The following ZFHX4 variants were observed in gnomAD, a reference collection of about 807,000 sequenced individuals.
ZFHX4 encodes the protein zinc finger homeobox 4, also known as zinc finger homeobox protein 4.
ZFHX4 carries 56 observed loss-of-function variants against 267.6 expected under a neutral mutation model. That is an observed-to-expected ratio of 0.21 (90% confidence interval 0.17 to 0.26). The LOEUF is 0.26. Ranked by LOEUF, ZFHX4 falls within the 10% of genes least tolerant of loss-of-function variation. The pLI, the probability that ZFHX4 is intolerant of heterozygous loss-of-function variation, is 1.00. For missense variants in ZFHX4, 4,332 were observed against 4,420.0 expected, an observed-to-expected ratio of 0.98 and a Z score of 0.56; for synonymous variants, 1,778 against 1,665.6, an observed-to-expected ratio of 1.07 and a Z score of -1.64.
At chr8:76,681,876 G>A (rs887670616) in intron 1 of ZFHX4, among the ~76,000 whole-genome samples, 1 of 151,944 alleles carries the variant, frequency 6.6e-6, no homozygotes, top group Non-Finnish European at 1.5e-5. Flanking sequence ...GTTTTGCTCC[G>A]CTGAGGGAGG....
At position 76,730,553 on chromosome 8, in the gene ZFHX4, G is replaced by T. The variant is rs1055487362; in HGVS notation, c.3093+22505G>T. ...ATCTCTACTAAAAATACATAAATTA[G>T]CCGGGCATGGTGATGGGCACCTGTA... On this transcript the variant is annotated intron_variant, in intron 3 of 10. Transcript: ENST00000651372. 3.4e-4 allele frequency among the ~76,000 whole-genome samples: 51 copies of T among 151,958 alleles called. 1 individual carries two copies. Among genetic ancestry groups the T allele is most frequent in the Non-Finnish European group, 7.4e-5 (5 of 68,010 alleles).
chr8:76,705,203 G>A lies in ZFHX4; in HGVS notation c.1115G>A (p.Gly372Asp). ...GLWSAFHVENGDSLPAGFAFL... is the reference protein window; with the variant it reads ...GLWSAFHVENDDSLPAGFAFL... ...TGGAGCGCTTTTCATGTTGAAAATGGTGACTCTTTGCCGGCTGGCTTTGCC... is the reference window on the plus strand; with the variant it reads ...TGGAGCGCTTTTCATGTTGAAAATGATGACTCTTTGCCGGCTGGCTTTGCC... Residue 372 changes from glycine to aspartate, a missense_variant, in exon 2 of 11, where the codon GGT becomes GAT. Coordinates refer to ENST00000651372, the MANE Select transcript of ZFHX4 (RefSeq NM_024721.5). 1.2e-6 allele frequency: 2 copies of A among 1,613,946 alleles called. No individual in the cohort carries two copies.
chr8:76,713,282 A>AAGAAAGATAGAT (rs1808475422), intron 3 of ZFHX4, among the ~76,000 whole-genome samples: 6 of 143,070 alleles, frequency 4.2e-5, no homozygotes, highest in African/African-American at 1.6e-4. Flanking sequence ...GATAGATAGA[A>AAGAAAGATAGAT]AGATAGATAG....
intron 3 of ZFHX4, among the ~76,000 whole-genome samples, chr8:76,726,598 T>A (rs921317164): frequency 1.3e-5 from 2 of 152,316 alleles, no homozygotes. Flanking sequence ...TATATTTCCC[T>A]TTTTTAACTC....
intron 4 of ZFHX4, among the ~76,000 whole-genome samples, chr8:76,794,742 T>A (rs1810926608): frequency 1.3e-5 from 2 of 148,352 alleles, no homozygotes; most frequent in Admixed American, 6.7e-5. Context: ...AAGTGTAGAT[T>A]TGTAGTAGTT....
intron 9 of ZFHX4, 27 bp downstream of exon 9, chr8:76,850,389 TG>T: frequency 6.4e-7 from 1 of 1,554,636 alleles, no homozygotes; most frequent in Admixed American, 1.8e-5. Context: ...TCAAGACTTG[TG>T]AACAATACGC....
At chr8:76,711,735 ACTT>A (rs1191827277) in intron 3 of ZFHX4, among the ~76,000 whole-genome samples, 1 of 152,154 alleles carries the variant, frequency 6.6e-6, no homozygotes. Flanking sequence ...ATGATCTCCA[ACTT>A]CTTCTAAAGA....
At chr8:76,863,017 A>G (rs1017936336) in intron 10 of ZFHX4, 77 bp from the exon 11 acceptor site, 7 of 1,442,082 alleles carry the variant, frequency 4.9e-6, no homozygotes, top group African/African-American at 4.3e-5. Flanking sequence ...AGTGAGTTCT[A>G]TTTAGGTGTT....
intron 4 of ZFHX4, among the ~76,000 whole-genome samples, chr8:76,823,700 A>G (rs1811712588): frequency 6.6e-6 from 1 of 152,224 alleles, no homozygotes; most frequent in Non-Finnish European, 1.5e-5. Flanking sequence ...GAATTTAGGA[A>G]ACTTTACTGC....
chr8:76,730,624 G>A (rs113291148), intron 3 of ZFHX4, among the ~76,000 whole-genome samples: 6,159 of 152,044 alleles, frequency 0.041, 286 homozygotes, highest in East Asian at 0.24. Flanking sequence ...GATTGAATCC[G>A]GGAGGCAGAG....
Position 76,863,799 on chromosome 8 carries a change from A to G in ZFHX4, c.10085A>G (p.Asp3362Gly), listed in dbSNP as rs1330295637. The G allele has an allele frequency of 1.3e-6, 2 of 1,552,336 alleles. No individual in the cohort carries two copies. Among genetic ancestry groups the G allele is most frequent in the African/African-American group, 1.4e-5 (1 of 73,190 alleles). ...AGTGACCAGCCGCAAAACTCCAACG[A>G]TGCTTCAGAAACAAAGGAAGACAAA... ...VESDQPQNSN[D>G]ASETKEDKST... Residue 3362 changes from aspartate to glycine, a missense_variant, in exon 11 of 11, where the codon GAT becomes GGT. Coordinates refer to ENST00000651372, the MANE Select transcript of ZFHX4 (RefSeq NM_024721.5).
chr8:76,772,857 G>A (rs1810299202), intron 3 of ZFHX4, among the ~76,000 whole-genome samples: 1 of 151,998 alleles, frequency 6.6e-6, no homozygotes, highest in Non-Finnish European at 1.5e-5. Context: ...CATCTGCCTT[G>A]ACTGCCGCTC....
intron 1 of ZFHX4, among the ~76,000 whole-genome samples, chr8:76,695,949 G>C (rs756128519): frequency 6.6e-6 from 1 of 152,188 alleles, no homozygotes; most frequent in African/African-American, 2.4e-5. Flanking sequence ...ATGTTTGGTG[G>C]TAAACTTTAA....
chr8:76,785,135 A>G (rs1178803900), intron 4 of ZFHX4, among the ~76,000 whole-genome samples: 1 of 152,114 alleles, frequency 6.6e-6, no homozygotes, highest in Non-Finnish European at 1.5e-5. Context: ...ACATAAATTT[A>G]TAATGTAAAG....
intron 4 of ZFHX4, among the ~76,000 whole-genome samples, chr8:76,817,449 T>C (rs1400767979): frequency 6.6e-6 from 1 of 152,198 alleles, no homozygotes; most frequent in African/African-American, 2.4e-5. Flanking sequence ...CTCAGCCAGA[T>C]CTTCCTTGAC....
rs145739990 is a variant in ZFHX4 at position 76,717,049 on chromosome 8, C to A, written c.3093+9001C>A. Among the ~76,000 whole-genome samples, 110 of 152,254 alleles carry A rather than the reference C, an allele frequency of 7.2e-4. 7 individuals are homozygous for A. The highest frequency in any genetic ancestry group is 6.6e-3 in the East Asian group (34 of 5,172). ...CTCCCTAAGCATTTAACTTACTACA[C>A]AAGAACAACTGAAGCACAATCTACT... On this transcript the variant is annotated intron_variant, in intron 3 of 10. Transcript: ENST00000651372.
At position 76,854,918 on chromosome 8, in the gene ZFHX4, G is replaced by A. The variant is rs1037499412; in HGVS notation, c.7997G>A (p.Arg2666Gln). The change falls in exon 10 of 11, where the codon CGG becomes CAG. Residue 2666 changes from arginine to glutamine, a missense_variant. Physicochemically the swap from Arg to Gln is conservative, Grantham distance 43. Coordinates refer to ENST00000651372, the MANE Select transcript of ZFHX4 (RefSeq NM_024721.5). The stretch of plus-strand genomic sequence containing the variant: ...GCGCGGGAGAGGAAAGGCCAGTTCC[G>A]GGCGGTGGGTCCAGCACAGTCTCAT... ...TRARERKGQFRAVGPAQSHKR... is the reference protein window; with the variant it reads ...TRARERKGQFQAVGPAQSHKR... 3 of 1,613,660 alleles carry A rather than the reference G, an allele frequency of 1.9e-6. No individual in the cohort carries two copies. In the African/African-American group the frequency reaches 4.0e-5, roughly 22 times the overall value.
At chr8:76,696,923 A>T (rs1204501836) in intron 1 of ZFHX4, among the ~76,000 whole-genome samples, 1 of 152,150 alleles carries the variant, frequency 6.6e-6, no homozygotes, top group African/African-American at 2.4e-5. Flanking sequence ...ATTTATGCAT[A>T]TAACTTTCTT....
chr8:76,818,920 AAAAAG>A (rs1356322614), intron 4 of ZFHX4, among the ~76,000 whole-genome samples: 2 of 152,090 alleles, frequency 1.3e-5, no homozygotes, highest in Admixed American at 6.6e-5. Context: ...TTGCCTAAAA[AAAAAG>A]AAAAGAAATC....
Sources: gnomAD v4.1 joint callset for allele counts (sites outside exome capture counted in the v4.1 genomes callset) on GRCh38, gnomAD v4.1.1 for gene constraint, MANE v1.5 for transcripts, NCBI Gene and HGNC (gene_info 2026-07-23, HGNC 2026-07-21) for gene names.